The following FSTL4 variants were observed in gnomAD, a reference collection of about 807,000 sequenced individuals.
FSTL4 encodes the protein follistatin like 4, also known as follistatin-related protein 4.
Under a neutral mutation model 78.2 loss-of-function variants are expected in FSTL4, and 28 were observed. The observed-to-expected ratio is 0.36, with a 90% CI of 0.27 to 0.49. The LOEUF (loss-of-function observed/expected upper bound fraction) is 0.49, where lower values mean the gene tolerates loss of function less well. Among genes scored for constraint, FSTL4 ranks in the 20% least tolerant of loss-of-function variants. The pLI, the probability that FSTL4 is intolerant of heterozygous loss-of-function variation, is 0.98. For synonymous variants in FSTL4, 422 were observed against 440.5 expected, an observed-to-expected ratio of 0.96 and a Z score of 0.53; for missense variants, 922 against 1,084.9, an observed-to-expected ratio of 0.85 and a Z score of 2.11.
chr5:133,600,100 T>G (rs1444799896), intron 2 of FSTL4, among the ~76,000 whole-genome samples: 1 of 152,226 alleles, frequency 6.6e-6, no homozygotes, highest in Non-Finnish European at 1.5e-5. Context: ...GAGCATAGTA[T>G]GAAAATGATA....
intron 13 of FSTL4, among the ~76,000 whole-genome samples, chr5:133,213,337 A>AG (rs1201903981): frequency 6.6e-6 from 1 of 152,232 alleles, no homozygotes; most frequent in Non-Finnish European, 1.5e-5. Context: ...ATATTTGAAA[A>AG]GAAAAACTGT....
chr5:133,613,451 C>G (rs1308301424), upstream of FSTL4, among the ~76,000 whole-genome samples: 1 of 152,048 alleles, frequency 6.6e-6, no homozygotes, highest in Non-Finnish European at 1.5e-5. Context: ...CTCTCCTGGC[C>G]GGGGGGAGGT....
intron 4 of FSTL4, among the ~76,000 whole-genome samples, chr5:133,358,810 G>A (rs1440765129): frequency 6.6e-6 from 1 of 151,962 alleles, no homozygotes; most frequent in Non-Finnish European, 1.5e-5. Context: ...AGGTTGGCCA[G>A]GCTGGTCTCA....
At chr5:133,667,672 A>G in the FSTL4 span, among the ~76,000 whole-genome samples, 1 of 152,192 alleles carries the variant, frequency 6.6e-6, no homozygotes. Flanking sequence ...TCCCCACTCC[A>G]ACATCACCCT....
chr5:133,536,638 C>T (rs1423889719), intron 3 of FSTL4, among the ~76,000 whole-genome samples: 2 of 151,758 alleles, frequency 1.3e-5, no homozygotes, highest in Non-Finnish European at 1.5e-5. Context: ...AGTGATTATC[C>T]ATGTATAATT....
At chr5:133,621,431 A>G in the FSTL4 span, among the ~76,000 whole-genome samples, 32 of 152,108 alleles carry the variant, frequency 2.1e-4, no homozygotes, top group African/African-American at 6.5e-4. Flanking sequence ...AACAAAAACA[A>G]CAAAAAAAGA....
intron 3 of FSTL4, among the ~76,000 whole-genome samples, chr5:133,473,147 C>T (rs1461293078): frequency 6.6e-6 from 1 of 152,146 alleles, no homozygotes; most frequent in African/African-American, 2.4e-5. Context: ...AGAAGATAAC[C>T]TTGCCTGTCC....
the FSTL4 span, among the ~76,000 whole-genome samples, chr5:133,740,797 GTTC>G: frequency 1.4e-4 from 21 of 152,156 alleles, no homozygotes; most frequent in Non-Finnish European, 2.5e-4. Context: ...CTGGGTGGCT[GTTC>G]TTCTTGGCTG....
the FSTL4 span, among the ~76,000 whole-genome samples, chr5:133,649,100 T>C: frequency 6.6e-6 from 1 of 152,204 alleles, no homozygotes; most frequent in African/African-American, 2.4e-5. Context: ...CAGAATGTCA[T>C]ATGGTTGGAT....
chr5:133,767,845 T>C, the FSTL4 span, among the ~76,000 whole-genome samples: 2 of 152,326 alleles, frequency 1.3e-5, no homozygotes, highest in East Asian at 3.9e-4. Flanking sequence ...GATAGGGCTC[T>C]GCAGGGGTGC....
chr5:133,787,146 G>A, the FSTL4 span, among the ~76,000 whole-genome samples: 1 of 152,132 alleles, frequency 6.6e-6, no homozygotes, highest in Non-Finnish European at 1.5e-5. Context: ...AAAGTTGCCA[G>A]ATTTCATTAA....
At chr5:133,661,762 C>T in the FSTL4 span, among the ~76,000 whole-genome samples, 1 of 152,190 alleles carries the variant, frequency 6.6e-6, no homozygotes, top group African/African-American at 2.4e-5. Context: ...AAACAAAGCT[C>T]TTGTTTATAA....
the FSTL4 span, among the ~76,000 whole-genome samples, chr5:133,699,880 C>CAAAAAAAAAAA: frequency 1.6e-5 from 1 of 62,472 alleles, no homozygotes; most frequent in Non-Finnish European, 3.0e-5. Flanking sequence ...GACTCCATCT[C>CAAAAAAAAAAA]AAAAAAAAAA....
intron 6 of FSTL4, among the ~76,000 whole-genome samples, chr5:133,271,412 T>C (rs1177830984): frequency 6.6e-6 from 1 of 152,132 alleles, no homozygotes; most frequent in South Asian, 2.1e-4. Context: ...TCTTGTGGCA[T>C]TGGTTTTGGA....
chr5:133,618,249 A>ATT, the FSTL4 span, among the ~76,000 whole-genome samples: 1 of 152,224 alleles, frequency 6.6e-6, no homozygotes, highest in African/African-American at 2.4e-5. Context: ...AAAATACCTT[A>ATT]TTATATGTAA....
chr5:133,421,766 C>CTCAT (rs58435074), intron 3 of FSTL4, among the ~76,000 whole-genome samples: 5,817 of 152,256 alleles, frequency 0.038, 152 homozygotes, highest in Non-Finnish European at 0.058. Flanking sequence ...ATCATGCTCA[C>CTCAT]TCATTCATTC....
At chr5:133,356,342 C>T (rs555441220) in intron 4 of FSTL4, among the ~76,000 whole-genome samples, 27 of 152,310 alleles carry the variant, frequency 1.8e-4, no homozygotes, top group Admixed American at 9.1e-4. Context: ...CCACTGATCT[C>T]TACCTGGATA....
At chr5:133,358,952 C>T (rs1246355397) in intron 4 of FSTL4, among the ~76,000 whole-genome samples, 1 of 152,162 alleles carries the variant, frequency 6.6e-6, no homozygotes, top group Non-Finnish European at 1.5e-5. Context: ...AATAAGTCTC[C>T]GATGATCCCA....
At chr5:133,665,007 A>G in the FSTL4 span, among the ~76,000 whole-genome samples, 1 of 152,128 alleles carries the variant, frequency 6.6e-6, no homozygotes, top group Non-Finnish European at 1.5e-5. Context: ...TAAGAAGTTG[A>G]CTCCAACACG....
Sources: allele counts gnomAD v4.1 joint callset (sites outside exome capture counted in the v4.1 genomes callset), GRCh38; gene constraint gnomAD v4.1.1; transcripts MANE v1.5; gene names NCBI Gene and HGNC (gene_info 2026-07-23, HGNC 2026-07-21).